The following UBXN2A variants were observed in gnomAD, a reference collection of about 807,000 sequenced individuals.
UBXN2A encodes UBX domain-containing protein 2A.
In UBXN2A, 28 loss-of-function variants were observed where a neutral mutation model predicts 28.4. The observed-to-expected ratio is 0.99, with a 90% CI of 0.73 to 1.35. UBXN2A has a LOEUF of 1.35. Among genes scored for constraint, UBXN2A ranks in the 40% most tolerant of loss-of-function variants. The probability of loss-of-function intolerance (pLI) is 0.00; values close to 1 mark genes in which losing one functional copy is unlikely to be tolerated. For missense variants in UBXN2A, 253 were observed against 297.9 expected (o/e 0.85, Z 1.11); for synonymous variants, 97 against 103.6 (o/e 0.94, Z 0.39).
At chr2:23,936,651 A>T (rs1416187647), upstream of UBXN2A, among the ~76,000 whole-genome samples, 1 of 152,148 alleles carries the variant, frequency 6.6e-6, no homozygotes, top group Non-Finnish European at 1.5e-5. Flanking sequence ...CTAACATCAT[A>T]CTCAATGGTG....
intron 6 of UBXN2A, among the ~76,000 whole-genome samples, chr2:23,998,901 C>T (rs1708644265): frequency 6.6e-6 from 1 of 152,146 alleles, no homozygotes; most frequent in African/African-American, 2.4e-5. Flanking sequence ...ATCCTTCCAC[C>T]TCCAGCAATC....
At chr2:23,966,250 T>C (rs1707156827) in intron 2 of UBXN2A, among the ~76,000 whole-genome samples, 2 of 152,210 alleles carry the variant, frequency 1.3e-5, no homozygotes, top group South Asian at 4.1e-4. Context: ...GCATTTCTCC[T>C]GCCTCAGCTT....
rs1351136943 is a variant in UBXN2A, at chr2:23,944,009, C to T, written c.-15+3361C>T. ...CAGGTTCAAACCGTCCCGTATCTCC[C>T]CACGTCACTATCTAGAGTTGGTGTC... is the stretch of plus-strand genomic sequence containing the variant. On this transcript the variant is annotated intron_variant, in intron 1 of 6. Transcript: ENST00000309033. The T allele has an allele frequency of 1.5e-5, 8 of 517,182 alleles. No homozygotes were observed. The East Asian group carries it at 2.8e-4, about 18-fold the overall frequency. The allele number at this position is 517,182 out of a possible 1,614,324, so 32.0% of individuals were successfully genotyped here.
intron 3 of UBXN2A, among the ~76,000 whole-genome samples, chr2:23,972,477 G>GA (rs200029107): frequency 4.6e-5 from 7 of 150,826 alleles, no homozygotes; most frequent in African/African-American, 9.7e-5. Context: ...CTTCCAAGGG[G>GA]AAAAAAAAAC....
chr2:23,984,435 G>A (rs1708040743), intron 5 of UBXN2A, among the ~76,000 whole-genome samples: 1 of 152,008 alleles, frequency 6.6e-6, no homozygotes, highest in African/African-American at 2.4e-5. Flanking sequence ...AATAATACCA[G>A]TAATAATATA....
At chr2:23,986,063 C>T (rs183146321) in intron 6 of UBXN2A, among the ~76,000 whole-genome samples, 3 of 152,180 alleles carry the variant, frequency 2.0e-5, no homozygotes, top group Admixed American at 2.0e-4. Context: ...AATCCCAGCA[C>T]TTTGGGAGGC....
chr2:23,930,880 AAGG>A (rs1295952543), intron 1 of UBXN2A, among the ~76,000 whole-genome samples: 1 of 151,584 alleles, frequency 6.6e-6, no homozygotes. Flanking sequence ...TTTAAAAAAA[AAGG>A]AGGCCAGGCA....
chr2:23,985,288 G>T (rs1472000394), intron 6 of UBXN2A, among the ~76,000 whole-genome samples: 1 of 151,824 alleles, frequency 6.6e-6, no homozygotes, highest in Non-Finnish European at 1.5e-5. Context: ...TCGCTCTGTT[G>T]CCCAGGCTGG....
At chr2:23,930,909 G>A (rs1705347014) in intron 1 of UBXN2A, among the ~76,000 whole-genome samples, 2 of 152,116 alleles carry the variant, frequency 1.3e-5, no homozygotes, top group African/African-American at 4.8e-5. Flanking sequence ...GCTCACGCCT[G>A]TAATTCCAGT....
At chr2:23,987,272 C>T (rs2150904456) in intron 6 of UBXN2A, among the ~76,000 whole-genome samples, 1 of 152,100 alleles carries the variant, frequency 6.6e-6, no homozygotes, top group Admixed American at 6.6e-5. Flanking sequence ...CCACCTACCT[C>T]AAAACATAGA....
intron 2 of UBXN2A, among the ~76,000 whole-genome samples, chr2:23,963,857 C>T (rs748940710): frequency 1.1e-4 from 16 of 152,182 alleles, no homozygotes; most frequent in East Asian, 7.7e-4. Context: ...GACTGGGTGC[C>T]GTGGCTCACA....
At chr2:23,961,900 A>G (rs1416587030) in intron 2 of UBXN2A, among the ~76,000 whole-genome samples, 4 of 150,180 alleles carry the variant, frequency 2.7e-5, no homozygotes, top group Non-Finnish European at 5.9e-5. Flanking sequence ...GCTGGAGTGC[A>G]GTGGCGTGAT....
upstream of UBXN2A, among the ~76,000 whole-genome samples, chr2:23,936,313 T>C (rs1705525652): frequency 6.6e-6 from 1 of 152,004 alleles, no homozygotes; most frequent in Non-Finnish European, 1.5e-5. Context: ...ATGAATGAAC[T>C]TGAAAATAAT....
rs144124558 is a variant in UBXN2A, at chr2:23,958,896, A to G, written c.41+541A>G. 1.8e-4 allele frequency among the ~76,000 whole-genome samples: 27 copies of G among 152,206 alleles called. No homozygotes were observed. In the East Asian group the frequency reaches 5.2e-3, roughly 29 times the overall value. ...GTGTCTGTTGCCCAAGCTAGAGTGC[A>G]GTGGTGCAATCATAGCTTGTTGGAG... On this transcript the variant is annotated intron_variant, in intron 2 of 6. Transcript: ENST00000309033.
intron 1 of UBXN2A, among the ~76,000 whole-genome samples, chr2:23,955,636 C>T (rs868825082): frequency 2.8e-4 from 43 of 152,154 alleles, no homozygotes; most frequent in African/African-American, 9.7e-4. Context: ...TATGGTGTAG[C>T]ATATTGCTCC....
At chr2:23,996,837 G>T (rs1443378202) in intron 6 of UBXN2A, 2 of 151,858 alleles carry the variant, frequency 1.3e-5, no homozygotes, top group Non-Finnish European at 2.9e-5. Flanking sequence ...GATTGGCAGG[G>T]CTATTCACAG....
Position 23,974,345 on chromosome 2 carries a change from C to CT in UBXN2A, c.181-2611dup, listed in dbSNP as rs1296937516. Among the ~76,000 whole-genome samples, 119 of 130,486 alleles carry CT rather than the reference C, an allele frequency of 9.1e-4. 1 individual carries two copies. The highest frequency in any genetic ancestry group is 1.5e-3 in the South Asian group (6 of 4,004). 85.6% of individuals were successfully genotyped at this position (130,486 alleles called of 152,430 possible). ...AAATGATAAATTTTTATTTAACCAA[C>CT]TTTTTTTTTTTTTATTTTGAGACGG... On this transcript the variant is annotated intron_variant, in intron 3 of 6. Transcript: ENST00000309033.
chr2:23,961,182 G>A (rs1337761459), intron 2 of UBXN2A, among the ~76,000 whole-genome samples: 2 of 151,414 alleles, frequency 1.3e-5, no homozygotes, highest in African/African-American at 4.9e-5. Context: ...TGCAACCTCT[G>A]CCTCCCAGGT....
chr2:23,997,864 G>C (rs1438687155), intron 6 of UBXN2A, among the ~76,000 whole-genome samples: 2 of 150,394 alleles, frequency 1.3e-5, no homozygotes, highest in African/African-American at 2.5e-5. Flanking sequence ...CCAGGCTGGA[G>C]TGCAGTGGCG....
Sources: allele counts gnomAD v4.1 joint callset (sites outside exome capture counted in the v4.1 genomes callset), GRCh38; gene constraint gnomAD v4.1.1; transcripts MANE v1.5; gene names NCBI Gene and HGNC (gene_info 2026-07-23, HGNC 2026-07-21).